PCDHA7: variants seen among roughly 807,000 people sequenced by gnomAD.
PCDHA7 encodes the protein protocadherin alpha-7.
A neutral mutation model predicts 57.2 loss-of-function variants in PCDHA7; 37 were observed. That is an observed-to-expected ratio of 0.65 (90% CI 0.50 to 0.85). PCDHA7 has a LOEUF of 0.85. PCDHA7 is among the 40% of genes least tolerant of loss of function. The probability of loss-of-function intolerance (pLI) is 0.00; values close to 1 mark genes in which losing one functional copy is unlikely to be tolerated. For missense variants in PCDHA7, 1,188 were observed against 1,241.8 expected (o/e 0.96, Z 0.65); for synonymous variants, 553 against 558.8 (o/e 0.99, Z 0.15).
chr5:140,877,730 A>G (rs782465464), intron 1 of PCDHA7: 1 of 1,614,146 alleles, frequency 6.2e-7, no homozygotes, highest in Non-Finnish European at 8.5e-7. Flanking sequence ...TACTCGCAGC[A>G]GAGGAGGCAG....
At chr5:140,924,911 TAAAATA>T (rs1563069196) in intron 1 of PCDHA7, among the ~76,000 whole-genome samples, 7 of 59,704 alleles carry the variant, frequency 1.2e-4, no homozygotes, top group Non-Finnish European at 2.5e-4. Flanking sequence ...AAAAATAAAA[TAAAATA>T]AAATAAAATA....
intron 3 of PCDHA7, among the ~76,000 whole-genome samples, chr5:140,991,686 A>G (rs2097465682): frequency 6.6e-6 from 1 of 152,196 alleles, no homozygotes; most frequent in Non-Finnish European, 1.5e-5. Context: ...AGTCCTCTCT[A>G]GTAGAGCCAT....
chr5:140,888,355 T>C (rs1192266455), intron 1 of PCDHA7, among the ~76,000 whole-genome samples: 1 of 152,214 alleles, frequency 6.6e-6, no homozygotes, highest in Non-Finnish European at 1.5e-5. Context: ...GAATTGCTAC[T>C]GGCATCTAAT....
chr5:140,843,685 G>T (rs2150365041), intron 1 of PCDHA7: 1 of 1,589,062 alleles, frequency 6.3e-7, no homozygotes, highest in Non-Finnish European at 8.6e-7. Flanking sequence ...TAGGCGAAGA[G>T]CAAGATTTAA....
intron 1 of PCDHA7, among the ~76,000 whole-genome samples, chr5:140,846,195 A>G (rs2150385667): frequency 6.7e-6 from 1 of 149,594 alleles, no homozygotes; most frequent in Admixed American, 6.7e-5. Context: ...AGTTCTTTGT[A>G]TGTATGAGAT....
Position 140,871,268 on chromosome 5 carries a change from G to T in PCDHA7, c.2355+34530G>T, listed in dbSNP as rs368729446. ...CTGCTGCTGTATACGGCGCTGTGGTGGTCGGCAACGCCCACTGAGGGCGCG... is the reference window on the plus strand; with the variant it reads ...CTGCTGCTGTATACGGCGCTGTGGTTGTCGGCAACGCCCACTGAGGGCGCG... On this transcript the variant is annotated intron_variant, in intron 1 of 3. Transcript: ENST00000525929. 53 of 1,613,850 alleles carry T rather than the reference G, an allele frequency of 3.3e-5. No homozygotes were observed. The African/African-American group carries it at 6.7e-4, about 20-fold the overall frequency.
chr5:140,881,362 G>C, intron 1 of PCDHA7: 6 of 985,132 alleles, frequency 6.1e-6, no homozygotes, highest in Non-Finnish European at 7.2e-6. Context: ...CGTGGCTTTC[G>C]TATGAATTGC....
chr5:140,853,678 AC>A, intron 1 of PCDHA7: 1 of 988,418 alleles, frequency 1.0e-6, no homozygotes, highest in Non-Finnish European at 1.2e-6. Context: ...CCTATGGTCA[AC>A]CTATCCTTAG....
At chr5:140,884,907 C>T (rs1263861482) in intron 1 of PCDHA7, among the ~76,000 whole-genome samples, 2 of 152,148 alleles carry the variant, frequency 1.3e-5, no homozygotes, top group Non-Finnish European at 2.9e-5. Flanking sequence ...CTGTTGTATT[C>T]TTAATAGTTC....
At chr5:140,876,042 AT>A in intron 1 of PCDHA7, 1 of 1,613,902 alleles carries the variant, frequency 6.2e-7, no homozygotes, top group Non-Finnish European at 8.5e-7. Flanking sequence ...ATAAAAGTAT[AT>A]TGCCTGAATT....
chr5:140,872,373 T>C (rs1437548177), intron 1 of PCDHA7, among the ~76,000 whole-genome samples: 3 of 152,182 alleles, frequency 2.0e-5, no homozygotes, highest in African/African-American at 4.8e-5. Flanking sequence ...AGGCCTGTAA[T>C]CCCAGCTATT....
intron 1 of PCDHA7, among the ~76,000 whole-genome samples, chr5:140,916,805 A>G (rs560427769): frequency 6.6e-6 from 1 of 152,152 alleles, no homozygotes; most frequent in Non-Finnish European, 1.5e-5. Context: ...ATGACTTCCT[A>G]GGTCATGTGC....
intron 1 of PCDHA7, among the ~76,000 whole-genome samples, chr5:140,939,691 G>A (rs782722243): frequency 3.5e-4 from 53 of 152,250 alleles, no homozygotes; most frequent in African/African-American, 1.2e-3. Context: ...TGTGTTGCTG[G>A]ACATTATCAT....
intron 1 of PCDHA7, among the ~76,000 whole-genome samples, chr5:140,955,810 A>G (rs1171384572): frequency 1.3e-5 from 2 of 152,090 alleles, no homozygotes; most frequent in Non-Finnish European, 2.9e-5. Context: ...GTTTGTGTCC[A>G]CTGTGATTTC....
At chr5:140,863,267 C>T in intron 1 of PCDHA7, 1 of 1,457,902 alleles carries the variant, frequency 6.9e-7, no homozygotes, top group Non-Finnish European at 9.3e-7. Flanking sequence ...CGGGAGGCAG[C>T]GCTGGTGGAT....
chr5:140,839,660 C>T (rs1174636737), intron 1 of PCDHA7, among the ~76,000 whole-genome samples: 1 of 152,018 alleles, frequency 6.6e-6, no homozygotes, highest in Non-Finnish European at 1.5e-5. Flanking sequence ...TTGTTTGCTA[C>T]TATTTAGAGT....
Position 140,870,763 on chromosome 5 carries a change from G to C in PCDHA7, c.2355+34025G>C, listed in dbSNP as rs1386684596. The stretch of plus-strand genomic sequence containing the variant: ...CAGCAACGTGACGCTGCAGGTGTTC[G>C]TGCTGGACGAGAACGACAACGCGCC... On this transcript the variant is annotated intron_variant, in intron 1 of 3. Transcript: ENST00000525929. 1.1e-5 allele frequency: 18 copies of C among 1,613,434 alleles called. No individual in the cohort carries two copies. Among genetic ancestry groups the C allele is most frequent in the Admixed American group, 3.3e-5 (2 of 60,004 alleles).
intron 1 of PCDHA7, among the ~76,000 whole-genome samples, chr5:140,933,650 CCTGTCTCTCTCT>C (rs1218539002): frequency 2.6e-5 from 4 of 151,890 alleles, no homozygotes; most frequent in South Asian, 2.1e-4. Context: ...AGTTGGAAAT[CCTGTCTCTCTCT>C]CTGTCTCTCT....
intron 1 of PCDHA7, chr5:140,851,871 G>A (rs2042184673): frequency 2.0e-6 from 2 of 977,226 alleles, no homozygotes; most frequent in South Asian, 9.5e-5. Context: ...CATAACACAA[G>A]GCAGAAATCT....
Sources: allele counts gnomAD v4.1 joint callset (sites outside exome capture counted in the v4.1 genomes callset), GRCh38; gene constraint gnomAD v4.1.1; transcripts MANE v1.5; gene names NCBI Gene and HGNC (gene_info 2026-07-23, HGNC 2026-07-21).